TMEM51: variants seen among roughly 807,000 people sequenced by gnomAD.
The protein encoded by TMEM51 is transmembrane protein 51.
Under a neutral mutation model 13.6 loss-of-function variants are expected in TMEM51, and 8 were observed. The observed-to-expected ratio is 0.59, with a 90% CI of 0.35 to 1.07. TMEM51 has a LOEUF of 1.07. Among genes scored for constraint, TMEM51 ranks in the 50% least tolerant of loss-of-function variants. TMEM51 has a pLI of 0.02. For missense variants in TMEM51, 279 were observed against 330.7 expected, an observed-to-expected ratio of 0.84 and a Z score of 1.21; for synonymous variants, 147 against 144.4, an observed-to-expected ratio of 1.02 and a Z score of -0.13.
At chr1:15,216,572 A>G (rs1189430494) in intron 3 of TMEM51, among the ~76,000 whole-genome samples, 4 of 152,210 alleles carry the variant, frequency 2.6e-5, no homozygotes, top group East Asian at 1.9e-4. Context: ...GAGTTTCACC[A>G]TAAGGGGCAG....
At chr1:15,193,575 C>CTTTCTTTCTTTTTTTTT (rs1249772503) in intron 1 of TMEM51, among the ~76,000 whole-genome samples, 7 of 114,644 alleles carry the variant, frequency 6.1e-5, no homozygotes, top group African/African-American at 2.5e-4. Context: ...TTCTTTCTTT[C>CTTTCTTTCTTTTTTTTT]TTTTTTTTTT....
At chr1:15,186,961 A>C (rs997962291) in intron 1 of TMEM51, among the ~76,000 whole-genome samples, 1 of 152,146 alleles carries the variant, frequency 6.6e-6, no homozygotes, top group African/African-American at 2.4e-5. Context: ...TGGGGAAACC[A>C]CTGGGAGGAA....
At chr1:15,189,864 G>A (rs1276792963) in intron 1 of TMEM51, among the ~76,000 whole-genome samples, 6 of 152,248 alleles carry the variant, frequency 3.9e-5, no homozygotes, top group African/African-American at 1.2e-4. Flanking sequence ...AGGCAGCCCC[G>A]TGAGCCCTGG....
rs1642777641 is a variant in TMEM51 at position 15,161,448 on chromosome 1, T to G, written c.-267+7494T>G. Among the ~76,000 whole-genome samples, 1 of 151,796 alleles carries G rather than the reference T, an allele frequency of 6.6e-6. No individual in the cohort carries two copies. The highest frequency in any genetic ancestry group is 1.5e-5 in the Non-Finnish European group (1 of 68,008). On this transcript the variant is annotated intron_variant, in intron 1 of 3. Transcript: ENST00000376008. This position sits in a 1 kb window ranked among gnomAD's most constrained non-coding sequence, Gnocchi z 4.0. ...TGAACCTGGAAAGCAGAGGTTGCAG[T>G]GAGCCGAGATCGTGCCACTGAACTC... is the stretch of plus-strand genomic sequence containing the variant.
intron 1 of TMEM51, chr1:15,171,459 C>A: frequency 1.6e-6 from 1 of 644,664 alleles, no homozygotes; most frequent in Non-Finnish European, 2.2e-6. Flanking sequence ...GAGAAGTCTA[C>A]AGCCAGCCGT....
chr1:15,181,213 G>A (rs999140999), intron 1 of TMEM51, among the ~76,000 whole-genome samples: 1 of 152,202 alleles, frequency 6.6e-6, no homozygotes, highest in Non-Finnish European at 1.5e-5. Flanking sequence ...TGAGTCAATA[G>A]ATGTAAGGCA....
chr1:15,182,299 A>G (rs1301900691), intron 1 of TMEM51, among the ~76,000 whole-genome samples: 1 of 152,220 alleles, frequency 6.6e-6, no homozygotes, highest in Non-Finnish European at 1.5e-5. Flanking sequence ...CATGACCTTG[A>G]GAATGTGTCA....
intron 1 of TMEM51, among the ~76,000 whole-genome samples, chr1:15,185,924 TGGAAAG>T (rs1307336400): frequency 6.6e-6 from 1 of 151,788 alleles, no homozygotes; most frequent in Non-Finnish European, 1.5e-5. Context: ...GACCTCCAAG[TGGAAAG>T]AACCATGTCT....
chr1:15,178,083 GC>G (rs1486188227), intron 1 of TMEM51, among the ~76,000 whole-genome samples: 2 of 151,936 alleles, frequency 1.3e-5, no homozygotes, highest in African/African-American at 4.8e-5. Flanking sequence ...AATAATGCCT[GC>G]CTTGCACAGG....
At chr1:15,170,755 G>T (rs1388328499) in intron 1 of TMEM51, among the ~76,000 whole-genome samples, 1 of 151,936 alleles carries the variant, frequency 6.6e-6, no homozygotes, top group African/African-American at 2.4e-5. Flanking sequence ...TTGAGACGGA[G>T]TCTCCCTCTG....
chr1:15,194,307 T>C (rs141602959), intron 1 of TMEM51, among the ~76,000 whole-genome samples: 359 of 152,350 alleles, frequency 2.4e-3, no homozygotes, highest in African/African-American at 8.2e-3. Flanking sequence ...ATAAAAATGT[T>C]AGTGAGGTAT....
At chr1:15,179,044 C>T (rs1643534012) in intron 1 of TMEM51, among the ~76,000 whole-genome samples, 1 of 152,178 alleles carries the variant, frequency 6.6e-6, no homozygotes, top group Non-Finnish European at 1.5e-5. Flanking sequence ...GTTAGGAAAA[C>T]TGATTCCTCT....
At chr1:15,217,551 T>C (rs1386128668) in intron 3 of TMEM51, among the ~76,000 whole-genome samples, 1 of 152,116 alleles carries the variant, frequency 6.6e-6, no homozygotes, top group African/African-American at 2.4e-5. Context: ...AGTCCCACAA[T>C]TTGCCATCTG....
At position 15,215,003 on chromosome 1, in the gene TMEM51, C is replaced by A; in HGVS notation, c.-85C>A. The A allele has an allele frequency of 3.2e-6, 4 of 1,262,688 alleles. No individual in the cohort carries two copies. The South Asian group carries it at 4.3e-5, about 13-fold the overall frequency. 78.2% of individuals were successfully genotyped at this position (1,262,688 alleles called of 1,614,324 possible). On this transcript the variant is annotated 5_prime_UTR_variant, in exon 3 of 4. Transcript: ENST00000376008. ...GTGGGGCGAGAGATTTTGTGGAGCGCATTTAAGGGGTTTTTGTTGTGACTG... is the reference window on the plus strand; with the variant it reads ...GTGGGGCGAGAGATTTTGTGGAGCGAATTTAAGGGGTTTTTGTTGTGACTG...
intron 1 of TMEM51, among the ~76,000 whole-genome samples, chr1:15,210,189 C>G (rs1288901708): frequency 6.6e-6 from 1 of 152,232 alleles, no homozygotes; most frequent in South Asian, 2.1e-4. Context: ...ATATACATTC[C>G]TTATAAGATG....
chr1:15,206,580 C>T lies in TMEM51; in HGVS notation c.-266-3910C>T, dbSNP rs374566972. On this transcript the variant is annotated intron_variant, in intron 1 of 3. Coordinates refer to ENST00000376008, the MANE Select transcript of TMEM51 (RefSeq NM_001136218.2). ...TGTGTGGCCCAGGGCAAATTACTTACCCTGTCCAAGACTCCAAGATGGTGG... is the reference window on the plus strand; with the variant it reads ...TGTGTGGCCCAGGGCAAATTACTTATCCTGTCCAAGACTCCAAGATGGTGG... 2.0e-5 allele frequency among the ~76,000 whole-genome samples: 3 copies of T among 150,796 alleles called. No homozygotes were observed. The South Asian group carries it at 6.5e-4, about 32-fold the overall frequency.
At position 15,193,152 on chromosome 1, in the gene TMEM51, A is replaced by G. The variant is rs536128705; in HGVS notation, c.-266-17338A>G. Among the ~76,000 whole-genome samples the G allele has an allele frequency of 9.2e-5, 14 of 152,336 alleles. No homozygotes were observed. In the East Asian group the frequency reaches 2.7e-3, roughly 29 times the overall value. ...CTCTGGGGAGGAATCTGAGAAGCCC[A>G]CAGAACAGCCTGCGCTGTCATCTGG... On this transcript the variant is annotated intron_variant, in intron 1 of 3. Coordinates refer to ENST00000376008, the MANE Select transcript of TMEM51 (RefSeq NM_001136218.2).
intron 1 of TMEM51, among the ~76,000 whole-genome samples, chr1:15,182,467 T>A (rs910847879): frequency 2.0e-5 from 3 of 152,210 alleles, no homozygotes; most frequent in Non-Finnish European, 4.4e-5. Flanking sequence ...CCACTCCGAG[T>A]TGAGCTGTTC....
intron 1 of TMEM51, among the ~76,000 whole-genome samples, chr1:15,169,070 G>A (rs1573385072): frequency 6.6e-6 from 1 of 152,126 alleles, no homozygotes; most frequent in African/African-American, 2.4e-5. Context: ...GGGAAGGTGG[G>A]GTCTTGGCTC....
Sources: allele counts gnomAD v4.1 joint callset (sites outside exome capture counted in the v4.1 genomes callset), GRCh38; gene constraint gnomAD v4.1.1; non-coding constraint Gnocchi (gnomAD v3.1); transcripts MANE v1.5; gene names NCBI Gene and HGNC (gene_info 2026-07-23, HGNC 2026-07-21).